Variants in TLE2 observed in about 807,000 individuals in gnomAD.
The protein encoded by TLE2 is TLE family member 2, transcriptional corepressor.
In TLE2, 74 loss-of-function variants were observed where a neutral mutation model predicts 97.2. The observed-to-expected ratio is 0.76, with a 90% CI of 0.63 to 0.92. TLE2 has a LOEUF of 0.92. Ranked by LOEUF, TLE2 falls within the 40% of genes least tolerant of loss-of-function variation. The pLI is 0.00. For synonymous variants in TLE2, 499 were observed against 432.1 expected (o/e 1.15, Z -1.92); for missense variants, 1,038 against 1,008.7 (o/e 1.03, Z -0.39).
chr19:3,018,176 G>C (rs2089755589), intron 7 of TLE2, among the ~76,000 whole-genome samples: 1 of 152,168 alleles, frequency 6.6e-6, no homozygotes, highest in Non-Finnish European at 1.5e-5. Flanking sequence ...CTGTTGCCCA[G>C]GCTGGAGTGC....
chr19:3,027,859 C>G lies in TLE2; in HGVS notation c.201G>C (p.Ser67=), dbSNP rs1426043925. ...TATGCATTTCAATGTTGAGCCCGTACGACATCTCATAATACTGCAAAGGAA... is the reference window on the plus strand; with the variant it reads ...TATGCATTTCAATGTTGAGCCCGTAGGACATCTCATAATACTGCAAAGGAA... The part of the protein sequence containing the change: ...QRHYVMYYEM[S]YGLNIEMHKQ... The change falls in exon 4 of 20, where the codon TCG becomes TCC. Residue 67 remains serine, a synonymous_variant. Transcript: ENST00000262953. The G allele has an allele frequency of 1.6e-5, 25 of 1,611,248 alleles. No homozygotes were observed. Among genetic ancestry groups the G allele is most frequent in the Non-Finnish European group, 2.0e-5 (24 of 1,178,972 alleles).
At position 3,017,953 on chromosome 19, in the gene TLE2, AG is replaced by A. The variant is rs1269458023; in HGVS notation, c.551-95del. The stretch of plus-strand genomic sequence containing the variant: ...GAGGGTACAGCCCTCCAGTTTATAA[AG>A]CCCCCCGCCCCCACCACCCCACTCA... On this transcript the variant is annotated intron_variant, in intron 7 of 19. Transcript: ENST00000262953. 1.6e-5 allele frequency: 19 copies of A among 1,214,948 alleles called. No individual in the cohort carries two copies. The East Asian group carries it at 3.7e-4, about 24-fold the overall frequency. 75.3% of individuals were successfully genotyped at this position (1,214,948 alleles called of 1,614,324 possible).
chr19:3,018,795 T>C lies in TLE2; in HGVS notation c.550+488A>G, dbSNP rs1373952685. 2.6e-5 allele frequency among the ~76,000 whole-genome samples: 4 copies of C among 151,476 alleles called. No individual in the cohort carries two copies. In the East Asian group the frequency reaches 7.8e-4, roughly 29 times the overall value. ...ACTCCTGCCTAATTTTTTTTGTATTTTTAGTAGAGATGGGGTTTTCCCATG... is the reference window on the plus strand; with the variant it reads ...ACTCCTGCCTAATTTTTTTTGTATTCTTAGTAGAGATGGGGTTTTCCCATG... On this transcript the variant is annotated intron_variant, in intron 7 of 19. Transcript: ENST00000262953.
At chr19:3,017,491 C>T (rs1396469915) in intron 8 of TLE2, among the ~76,000 whole-genome samples, 5 of 142,058 alleles carry the variant, frequency 3.5e-5, no homozygotes, top group Non-Finnish European at 6.0e-5. Flanking sequence ...TACTCTGTCA[C>T]CCAGGTTGGA....
upstream of TLE2, among the ~76,000 whole-genome samples, chr19:3,032,943 T>TTG (rs1418173580): frequency 6.7e-6 from 1 of 149,720 alleles, no homozygotes; most frequent in Non-Finnish European, 1.5e-5. This position sits in a 1 kb window ranked among gnomAD's most constrained non-coding sequence, Gnocchi z 4.1. Flanking sequence ...TGTTGGTTGT[T>TTG]TTTTTTTTTT....
At chr19:3,041,013 A>ATTTTTTTTT in intron 1 of TLE2, among the ~76,000 whole-genome samples, 1 of 28,976 alleles carries the variant, frequency 3.5e-5, no homozygotes, top group Non-Finnish European at 5.7e-5. Context: ...ATATATATAT[A>ATTTTTTTTT]TTTTTTTTTT....
rs796339147 is a variant in TLE2 at position 2,998,275 on chromosome 19, G to GTGTGTGTGTGTGTGTGTGTGTA, written c.2125-321_2125-320insTACACACACACACACACACACA. Among the ~76,000 whole-genome samples, 68 of 110,326 alleles carry GTGTGTGTGTGTGTGTGTGTGTA rather than the reference G, an allele frequency of 6.2e-4. 1 individual carries two copies. The highest frequency in any genetic ancestry group is 1.8e-3 in the African/African-American group (64 of 35,764). 72.4% of individuals were successfully genotyped at this position (110,326 alleles called of 152,430 possible). A position where few individuals can be genotyped will look rare whatever the true frequency, so the allele number is the denominator to read the frequency against. Reference sequence around the variant, plus strand: ...TGTGTGTGTGTGTGTGTGTGTGTGTGTAATTTTTTTTTTTTTTTGTGAGAC... The same window carrying GTGTGTGTGTGTGTGTGTGTGTA: ...TGTGTGTGTGTGTGTGTGTGTGTGTGTGTGTGTGTGTGTGTGTGTGTATAATTTTTTTTTTTTTTTGTGAGAC... On this transcript the variant is annotated intron_variant, in intron 19 of 19. Transcript: ENST00000262953.
chr19:3,026,264 T>C (rs2089940921), intron 4 of TLE2, among the ~76,000 whole-genome samples: 1 of 151,840 alleles, frequency 6.6e-6, no homozygotes, highest in Non-Finnish European at 1.5e-5. Context: ...CTGGCCAACA[T>C]GGAGAAACCC....
chr19:3,011,529 CAA>C (rs34102685), intron 11 of TLE2, among the ~76,000 whole-genome samples: 57 of 116,894 alleles, frequency 4.9e-4, no homozygotes, highest in Admixed American at 7.2e-4. Context: ...GACTCCATCT[CAA>C]AAAAAAAAAA....
At chr19:3,028,603 C>G (rs956791266) in intron 2 of TLE2, 103 bp downstream of exon 2, 9 of 1,373,292 alleles carry the variant, frequency 6.6e-6, no homozygotes, top group African/African-American at 1.4e-5. Flanking sequence ...GTCGCGCCCC[C>G]CCTCCAACCG....
At chr19:3,014,542 G>T in intron 10 of TLE2, 28 bp downstream of exon 10, 1 of 1,552,612 alleles carries the variant, frequency 6.4e-7, no homozygotes, top group East Asian at 2.5e-5. Flanking sequence ...GCCCAGAGTC[G>T]GGGAAGAGGC....
At position 3,025,000 on chromosome 19, in the gene TLE2, C is replaced by T. The variant is rs1301304185; in HGVS notation, c.294+20G>A. 5.1e-6 allele frequency: 8 copies of T among 1,577,880 alleles called. No individual in the cohort carries two copies. Among genetic ancestry groups the T allele is most frequent in the Non-Finnish European group, 6.9e-6 (8 of 1,161,794 alleles). ...TTCCGGCTCCCTTCCCCTCCTCCCCCCACCCCCAGGCCCACTCACCTCCTG... is the reference window on the plus strand; with the variant it reads ...TTCCGGCTCCCTTCCCCTCCTCCCCTCACCCCCAGGCCCACTCACCTCCTG... On this transcript the variant is annotated intron_variant, in intron 5 of 19. Transcript: ENST00000262953.
At position 3,005,474 on chromosome 19, in the gene TLE2, T is replaced by TC; in HGVS notation, c.1858dup (p.Glu620GlyfsTer9). 1 of 1,613,650 alleles carries TC rather than the reference T, an allele frequency of 6.2e-7. No homozygotes were observed. The highest frequency in any genetic ancestry group is 1.1e-5 in the South Asian group (1 of 91,052). ...GTCATGCTGCTGCAGCTGGCGGCCCTCCCGCAGGTCCCAGCAGCGCACCGT... is the reference window on the plus strand; with the variant it reads ...GTCATGCTGCTGCAGCTGGCGGCCCTCCCCGCAGGTCCCAGCAGCGCACCGT... On this transcript the variant is annotated frameshift_variant, in exon 17 of 20. Transcript: ENST00000262953. LOFTEE classifies it high-confidence loss of function.
At chr19:3,022,906 AATG>A (rs551015002) in intron 5 of TLE2, among the ~76,000 whole-genome samples, 3 of 152,168 alleles carry the variant, frequency 2.0e-5, no homozygotes, top group Non-Finnish European at 4.4e-5. Flanking sequence ...AGCTGCTGGA[AATG>A]ATATGTACAT....
upstream of TLE2, among the ~76,000 whole-genome samples, chr19:3,047,179 C>T (rs183532492): frequency 2.3e-4 from 25 of 110,380 alleles, no homozygotes; most frequent in East Asian, 6.5e-3. Flanking sequence ...CCTACCCTCC[C>T]CCGTCCTCCG....
At chr19:3,002,552 G>C (rs748355115) in intron 17 of TLE2, 49 bp from the exon 18 acceptor site, 5 of 1,534,704 alleles carry the variant, frequency 3.3e-6, no homozygotes, top group African/African-American at 1.4e-5. Flanking sequence ...TCTTTGTTTT[G>C]TGTTGAGACA....
At chr19:3,018,089 T>TG (rs2089753608) in intron 7 of TLE2, among the ~76,000 whole-genome samples, 1 of 151,928 alleles carries the variant, frequency 6.6e-6, no homozygotes, top group East Asian at 1.9e-4. Context: ...CACAGCCCAT[T>TG]GGGGGTGATG....
intron 4 of TLE2, among the ~76,000 whole-genome samples, chr19:3,026,577 C>G (rs965566541): frequency 6.6e-6 from 1 of 151,912 alleles, no homozygotes; most frequent in Non-Finnish European, 1.5e-5. Flanking sequence ...ATCGCAGAAC[C>G]CTGAGGTCTA....
intron 9 of TLE2, among the ~76,000 whole-genome samples, 171 bp from the exon 10 acceptor site, chr19:3,014,785 G>A (rs1266464408): frequency 2.0e-5 from 3 of 152,028 alleles, no homozygotes; most frequent in African/African-American, 2.4e-5. Flanking sequence ...GCACGTGCCC[G>A]CATCCGGGAA....
Sources: gnomAD v4.1 joint callset for allele counts (sites outside exome capture counted in the v4.1 genomes callset) on GRCh38, gnomAD v4.1.1 for gene constraint, Gnocchi (gnomAD v3.1) non-coding constraint, MANE v1.5 for transcripts, NCBI Gene and HGNC (gene_info 2026-07-23, HGNC 2026-07-21) for gene names.